SEMA5A: variants seen among roughly 807,000 people sequenced by gnomAD.
The protein encoded by SEMA5A is semaphorin 5A.
A neutral mutation model predicts 135.5 loss-of-function variants in SEMA5A; 55 were observed. The ratio of observed to expected loss-of-function variants is 0.41; its 90% CI spans 0.33 to 0.51. SEMA5A has a LOEUF of 0.51. Among genes scored for constraint, SEMA5A ranks in the 20% least tolerant of loss-of-function variants. SEMA5A has a pLI of 0.37. For missense variants in SEMA5A, 1,290 were observed against 1,419.9 expected (o/e 0.91, Z 1.47); for synonymous variants, 580 against 546.5 (o/e 1.06, Z -0.85).
chr5:9,053,977 C>T (rs1263611636), intron 19 of SEMA5A, 110 bp downstream of exon 19: 4 of 1,291,444 alleles, frequency 3.1e-6, no homozygotes, highest in African/African-American at 1.5e-5. Flanking sequence ...AACTTGCCCA[C>T]CCCCCTTTCA....
chr5:9,381,325 A>T (rs1215643415), intron 2 of SEMA5A, among the ~76,000 whole-genome samples: 1 of 152,224 alleles, frequency 6.6e-6, no homozygotes. Context: ...AACATAGTAC[A>T]CAATAACTGT....
At chr5:9,536,356 T>C (rs992625330) in intron 1 of SEMA5A, among the ~76,000 whole-genome samples, 3 of 152,144 alleles carry the variant, frequency 2.0e-5, no homozygotes, top group Admixed American at 2.0e-4. Flanking sequence ...CTGATGCCTA[T>C]AATCCCAGCA....
At chr5:9,159,845 A>T (rs1166133408) in intron 11 of SEMA5A, among the ~76,000 whole-genome samples, 1 of 152,250 alleles carries the variant, frequency 6.6e-6, no homozygotes, top group East Asian at 1.9e-4. Context: ...AATGTGGTAC[A>T]TATACACCAT....
intron 2 of SEMA5A, among the ~76,000 whole-genome samples, chr5:9,429,934 C>G (rs757784835): frequency 6.6e-6 from 1 of 152,208 alleles, no homozygotes; most frequent in Non-Finnish European, 1.5e-5. Flanking sequence ...GAGAGCCTGT[C>G]TGGTCACTGT....
intron 18 of SEMA5A, among the ~76,000 whole-genome samples, chr5:9,057,843 AC>A (rs1477851257): frequency 6.6e-6 from 1 of 152,128 alleles, no homozygotes; most frequent in Non-Finnish European, 1.5e-5. Context: ...TGTCCTCTTG[AC>A]CCTGTCTTTA....
chr5:9,493,835 G>A (rs77008720), intron 1 of SEMA5A, among the ~76,000 whole-genome samples: 4,523 of 152,196 alleles, frequency 0.03, 84 homozygotes, highest in Non-Finnish European at 0.041. Context: ...GAGCTTTACA[G>A]AAATGGAAAC....
chr5:9,229,928 G>A (rs550236195), intron 6 of SEMA5A, among the ~76,000 whole-genome samples: 16 of 152,218 alleles, frequency 1.1e-4, no homozygotes, highest in East Asian at 9.7e-4. Flanking sequence ...TGGTGTTTAC[G>A]TTAATTTCCC....
chr5:9,152,590 C>T (rs1321095404), intron 12 of SEMA5A, among the ~76,000 whole-genome samples: 1 of 152,192 alleles, frequency 6.6e-6, no homozygotes, highest in African/African-American at 2.4e-5. Context: ...ACTTCATTTT[C>T]TAGAATCATC....
chr5:9,384,697 TAGATAGATAGATAGATAGAC>T (rs1198860105), intron 2 of SEMA5A, among the ~76,000 whole-genome samples: 6 of 140,752 alleles, frequency 4.3e-5, no homozygotes, highest in African/African-American at 1.6e-4. Context: ...GATAGATAGA[TAGATAGATAGATAGATAGAC>T]AGACAGACAG....
At chr5:9,322,782 C>A (rs1752688584) in intron 4 of SEMA5A, among the ~76,000 whole-genome samples, 1 of 152,096 alleles carries the variant, frequency 6.6e-6, no homozygotes. Context: ...CCTCAAGGCC[C>A]CACCTATTAG....
intron 2 of SEMA5A, among the ~76,000 whole-genome samples, chr5:9,403,379 A>T (rs113196032): frequency 0.038 from 5,798 of 152,204 alleles, 145 homozygotes; most frequent in Middle Eastern, 0.089. Context: ...AAGACAAATG[A>T]GGAAGCACAA....
chr5:9,172,609 T>A lies in SEMA5A; in HGVS notation c.1273+17658A>T, dbSNP rs140721505. Among the ~76,000 whole-genome samples, 3 of 152,272 alleles carry A rather than the reference T, an allele frequency of 2.0e-5. No individual in the cohort carries two copies. In the East Asian group the frequency reaches 5.8e-4, roughly 29 times the overall value. ...AATTTTTATCATTGTCACAAACACA[T>A]GAAAATTGAAGCCTACAGAAACCTC... On this transcript the variant is annotated intron_variant, in intron 11 of 22. Coordinates refer to ENST00000382496, the MANE Select transcript of SEMA5A (RefSeq NM_003966.3).
At chr5:9,090,915 T>C (rs1223791092) in intron 16 of SEMA5A, among the ~76,000 whole-genome samples, 1 of 152,192 alleles carries the variant, frequency 6.6e-6, no homozygotes, top group Non-Finnish European at 1.5e-5. Flanking sequence ...ATATCTGTCC[T>C]CCACTGAGAT....
chr5:9,227,702 C>T (rs1747393360), intron 6 of SEMA5A, among the ~76,000 whole-genome samples: 1 of 152,146 alleles, frequency 6.6e-6, no homozygotes. Flanking sequence ...AGGTGCCCGC[C>T]ACCACGCCCG....
At chr5:9,076,132 G>A (rs1738040456) in intron 16 of SEMA5A, among the ~76,000 whole-genome samples, 1 of 150,504 alleles carries the variant, frequency 6.6e-6, no homozygotes, top group Non-Finnish European at 1.5e-5. Context: ...TTGAACCCGG[G>A]AAGCGGAGAT....
chr5:9,407,822 A>G (rs1274181747), intron 2 of SEMA5A, among the ~76,000 whole-genome samples: 1 of 152,162 alleles, frequency 6.6e-6, no homozygotes, highest in East Asian at 1.9e-4. Context: ...ACCTAGCGCA[A>G]AAGTCACTTT....
chr5:9,129,533 C>G (rs897061419), intron 13 of SEMA5A, among the ~76,000 whole-genome samples: 6 of 152,198 alleles, frequency 3.9e-5, no homozygotes, highest in African/African-American at 7.2e-5. Flanking sequence ...GAAAGCAGAT[C>G]CATGAATAAC....
At chr5:9,217,663 T>C (rs1245957010) in intron 8 of SEMA5A, among the ~76,000 whole-genome samples, 3 of 152,224 alleles carry the variant, frequency 2.0e-5, no homozygotes, top group East Asian at 1.9e-4. Flanking sequence ...CCTCTTTACA[T>C]AATCCCACAA....
chr5:9,464,660 T>C (rs1759186489), intron 1 of SEMA5A, among the ~76,000 whole-genome samples: 1 of 150,780 alleles, frequency 6.6e-6, no homozygotes, highest in African/African-American at 2.4e-5. Flanking sequence ...GGCCCCAGGC[T>C]TGGATGCCAT....
Sources: gnomAD v4.1 joint callset for allele counts (sites outside exome capture counted in the v4.1 genomes callset) on GRCh38, gnomAD v4.1.1 for gene constraint, MANE v1.5 for transcripts, NCBI Gene and HGNC (gene_info 2026-07-23, HGNC 2026-07-21) for gene names.